TGIF1: variants seen among roughly 807,000 people sequenced by gnomAD.
The protein encoded by TGIF1 is homeobox protein TGIF1.
A neutral mutation model predicts 19.3 loss-of-function variants in TGIF1; 4 were observed. That is an observed-to-expected ratio of 0.21 (90% CI 0.10 to 0.47). The LOEUF (loss-of-function observed/expected upper bound fraction) is 0.47, where lower values mean the gene tolerates loss of function less well. TGIF1 is among the 20% of genes least tolerant of loss of function. TGIF1 has a pLI of 0.98. For missense variants in TGIF1, 275 were observed against 341.4 expected (o/e 0.81, Z 1.53); for synonymous variants, 122 against 129.3 (o/e 0.94, Z 0.38).
At chr18:3,439,585 C>T (rs964762227) in intron 2 of TGIF1, among the ~76,000 whole-genome samples, 7 of 151,992 alleles carry the variant, frequency 4.6e-5, no homozygotes, top group Admixed American at 3.9e-4. Context: ...TCAGGTGATT[C>T]GCCCGCCTCA....
intron 2 of TGIF1, among the ~76,000 whole-genome samples, chr18:3,436,949 A>G (rs1478656165): frequency 6.6e-6 from 1 of 151,324 alleles, no homozygotes; most frequent in Non-Finnish European, 1.5e-5. Flanking sequence ...TACTAAAAAT[A>G]CAAAAATTAG....
rs1393123169 is a variant in TGIF1, at chr18:3,451,067, C to T, written c.16+562C>T. The stretch of plus-strand genomic sequence containing the variant: ...CGATCGAAGGAATGCGATTCTGGAC[C>T]CCCTCATCGCCCTCGGGTGTAAACA... On this transcript the variant is annotated intron_variant, in intron 1 of 2. Coordinates refer to ENST00000343820, the MANE Select transcript of TGIF1 (RefSeq NM_003244.4). This position sits in a 1 kb window ranked among gnomAD's most constrained non-coding sequence, Gnocchi z 5.4. 1.3e-5 allele frequency among the ~76,000 whole-genome samples: 2 copies of T among 151,536 alleles called. No individual in the cohort carries two copies. Among genetic ancestry groups the T allele is most frequent in the African/African-American group, 4.9e-5 (2 of 41,228 alleles).
intron 1 of TGIF1, among the ~76,000 whole-genome samples, chr18:3,450,915 CGG>C (rs1466529662): frequency 1.3e-5 from 2 of 152,076 alleles, no homozygotes; most frequent in Non-Finnish European, 2.9e-5. Flanking sequence ...CCCAGGCGGC[CGG>C]GGCCGCGGGA....
upstream of TGIF1, among the ~76,000 whole-genome samples, chr18:3,445,723 CAAAAAAAA>C (rs141550400): frequency 5.1e-4 from 9 of 17,694 alleles, no homozygotes; most frequent in African/African-American, 6.6e-4. Flanking sequence ...GACTCTGTCT[CAAAAAAAA>C]AAAAAAAAAA....
intron 2 of TGIF1, among the ~76,000 whole-genome samples, chr18:3,424,490 T>C (rs1290817771): frequency 1.3e-5 from 2 of 151,916 alleles, no homozygotes; most frequent in African/African-American, 4.8e-5. Flanking sequence ...TTCTCTCCTG[T>C]GATATTGTGA....
At position 3,422,594 on chromosome 18, in the gene TGIF1, A is replaced by AC. The variant is rs566991831; in HGVS notation, c.-45+4381dup. Among the ~76,000 whole-genome samples, 65 of 148,510 alleles carry AC rather than the reference A, an allele frequency of 4.4e-4. 1 individual carries two copies. In the South Asian group the frequency reaches 0.014, roughly 32 times the overall value. The stretch of plus-strand genomic sequence containing the variant: ...ATTTTGTAGGCCTTCCCATTCACTC[A>AC]CCACTCACTCACCGACTCACTGAAA... On this transcript the variant is annotated intron_variant, in intron 2 of 3. Coordinates refer to the TGIF1 transcript ENST00000401449.
intron 2 of TGIF1, among the ~76,000 whole-genome samples, chr18:3,441,336 C>T (rs2082675900): frequency 1.3e-5 from 2 of 152,196 alleles, no homozygotes; most frequent in Non-Finnish European, 2.9e-5. Flanking sequence ...ATTTTGTGCT[C>T]TGGTTAGAAA....
chr18:3,459,302 A>G lies in TGIF1; in HGVS notation c.*1362A>G, dbSNP rs1285713065. On this transcript the variant is annotated 3_prime_UTR_variant, in exon 3 of 3. Transcript: ENST00000343820. ...TACAAATTTGTCTAATTTTGAAACT[A>G]TTTTAGAAAGTCCCTACTGTAGAAA... is the stretch of plus-strand genomic sequence containing the variant. The G allele has an allele frequency of 1.3e-5, 2 of 152,212 alleles. No individual in the cohort carries two copies. Among genetic ancestry groups the G allele is most frequent in the African/African-American group, 4.8e-5 (2 of 41,452 alleles). The allele number at this position is 152,212 out of a possible 1,614,324, so 9.4% of individuals were successfully genotyped here. A position where few individuals can be genotyped will look rare whatever the true frequency, so the allele number is the denominator to read the frequency against.
chr18:3,430,640 G>A (rs1262534368), intron 2 of TGIF1, among the ~76,000 whole-genome samples: 1 of 151,380 alleles, frequency 6.6e-6, no homozygotes, highest in Non-Finnish European at 1.5e-5. Context: ...GAGTAGCTGG[G>A]ACTACAGGCC....
intron 2 of TGIF1, among the ~76,000 whole-genome samples, chr18:3,424,198 T>A (rs975429879): frequency 4.1e-4 from 62 of 152,332 alleles, no homozygotes; most frequent in African/African-American, 1.4e-3. Context: ...GATTATTTTA[T>A]TATAAGTAAT....
intron 1 of TGIF1, chr18:3,415,576 G>A (rs995063788): frequency 1.9e-4 from 49 of 252,438 alleles, no homozygotes; most frequent in African/African-American, 1.1e-3. Flanking sequence ...AGCCTAGGGC[G>A]GTTCTCAGGA....
At chr18:3,430,549 C>T (rs1205716561) in intron 2 of TGIF1, among the ~76,000 whole-genome samples, 5 of 152,126 alleles carry the variant, frequency 3.3e-5, no homozygotes, top group Non-Finnish European at 5.9e-5. Context: ...GTCACCCAGG[C>T]TGGGGTGCAG....
At position 3,451,622 on chromosome 18, in the gene TGIF1, G is replaced by GCCC. The variant is rs1307562684; in HGVS notation, c.16+1118_16+1119insCCC. The GCCC allele has an allele frequency of 9.2e-7, 1 of 1,092,232 alleles. No individual in the cohort carries two copies. The highest frequency in any genetic ancestry group is 1.6e-5 in the African/African-American group (1 of 61,036). The allele number at this position is 1,092,232 out of a possible 1,614,324, so 67.7% of individuals were successfully genotyped here. A position where few individuals can be genotyped will look rare whatever the true frequency, so the allele number is the denominator to read the frequency against. Reference sequence around the variant, plus strand: ...TCTTTCAGACCCGGCCCGCTGCGGGGCGTTCCTGGGGGGTAGCCTCAAGGC... The same window carrying GCCC: ...TCTTTCAGACCCGGCCCGCTGCGGGGCCCCGTTCCTGGGGGGTAGCCTCAAGGC... On this transcript the variant is annotated intron_variant, in intron 1 of 2. Coordinates refer to ENST00000343820, the MANE Select transcript of TGIF1 (RefSeq NM_003244.4). The surrounding 1 kb of genome is among the most constrained non-coding windows in gnomAD (Gnocchi z 5.4).
upstream of TGIF1, chr18:3,448,147 A>G: frequency 1.0e-6 from 1 of 983,640 alleles, no homozygotes. Context: ...GAGGCAGCCG[A>G]AGCCGCTTTC....
At chr18:3,452,685 C>T (rs766063680) in intron 1 of TGIF1, among the ~76,000 whole-genome samples, 3 of 152,172 alleles carry the variant, frequency 2.0e-5, no homozygotes, top group Non-Finnish European at 2.9e-5. Flanking sequence ...CCGTGCTCCT[C>T]CGCCGTCCTC....
At chr18:3,439,880 G>A (rs1377318332) in intron 2 of TGIF1, among the ~76,000 whole-genome samples, 1 of 151,750 alleles carries the variant, frequency 6.6e-6, no homozygotes, top group Non-Finnish European at 1.5e-5. Context: ...AATCAGCCAG[G>A]CGTTGTCGTG....
chr18:3,442,666 C>G (rs989266937), intron 2 of TGIF1, among the ~76,000 whole-genome samples: 2 of 152,082 alleles, frequency 1.3e-5, no homozygotes, highest in Non-Finnish European at 2.9e-5. Context: ...GGGAGGATCC[C>G]TTGAAACCAA....
At chr18:3,420,364 C>G (rs576655564) in intron 2 of TGIF1, among the ~76,000 whole-genome samples, 2 of 151,832 alleles carry the variant, frequency 1.3e-5, no homozygotes, top group South Asian at 4.2e-4. Context: ...GCCTGGGCAA[C>G]AGAGTGAGAC....
chr18:3,429,982 C>A (rs1406563956), intron 2 of TGIF1, among the ~76,000 whole-genome samples: 1 of 152,204 alleles, frequency 6.6e-6, no homozygotes, highest in East Asian at 1.9e-4. Flanking sequence ...TGGCAAAACC[C>A]CTTCTCTACT....
Sources: allele counts gnomAD v4.1 joint callset (sites outside exome capture counted in the v4.1 genomes callset), GRCh38; gene constraint gnomAD v4.1.1; non-coding constraint Gnocchi (gnomAD v3.1); transcripts MANE v1.5; gene names NCBI Gene and HGNC (gene_info 2026-07-23, HGNC 2026-07-21).